Variants in KLF15 observed in about 807,000 individuals in gnomAD.
The protein encoded by KLF15 is Krueppel-like factor 15.
KLF15 carries 4 observed loss-of-function variants against 24.6 expected under a neutral mutation model. The ratio of observed to expected loss-of-function variants is 0.16; its 90% CI spans 0.08 to 0.37. The LOEUF is 0.37. KLF15 is among the 10% of genes least tolerant of loss of function. The probability of loss-of-function intolerance (pLI) is 1.00; values close to 1 mark genes in which losing one functional copy is unlikely to be tolerated. For missense variants in KLF15, 496 were observed against 560.6 expected (o/e 0.88, Z 1.16); for synonymous variants, 246 against 236.3 (o/e 1.04, Z -0.37).
the KLF15 span, among the ~76,000 whole-genome samples, chr3:126,317,131 G>C: frequency 1.3e-5 from 2 of 152,232 alleles, no homozygotes; most frequent in Non-Finnish European, 1.5e-5. Flanking sequence ...AAATATAAGA[G>C]AGGGTGAACA....
chr3:126,332,177 C>G, the KLF15 span, among the ~76,000 whole-genome samples: 1 of 151,960 alleles, frequency 6.6e-6, no homozygotes, highest in African/African-American at 2.4e-5. Flanking sequence ...CCCTGTCTGA[C>G]AGCTTTGAAG....
In KLF15 at chr3:126,352,099, G is replaced by T. The variant is rs372180538; in HGVS notation, c.824C>A (p.Pro275His). ...QVVPSSNLNL[P>H]SKFVRIAPVP... is the part of the protein sequence containing the mutation. ...AGGGGCAATGCGCACAAACTTGGAG[G>T]GCAGGTTCAAGTTGGAGGAGGGTAC... Residue 275 changes from proline (P) to histidine (H), a missense_variant, in exon 2 of 3, where the codon CCC becomes CAC. Pro to His is a moderately conservative substitution (Grantham distance 77). Transcript: ENST00000296233. The T allele has an allele frequency of 7.2e-5, 112 of 1,551,460 alleles. No individual in the cohort carries two copies. Among genetic ancestry groups the T allele is most frequent in the Non-Finnish European group, 9.7e-5 (111 of 1,147,088 alleles).
chr3:126,292,339 G>C, the KLF15 span, among the ~76,000 whole-genome samples: 1 of 152,154 alleles, frequency 6.6e-6, no homozygotes, highest in African/African-American at 2.4e-5. Context: ...CTCAGCCACA[G>C]GGCCAACAGT....
intron 2 of KLF15, among the ~76,000 whole-genome samples, chr3:126,344,172 T>C (rs1392927189): frequency 6.6e-6 from 1 of 152,090 alleles, no homozygotes; most frequent in African/African-American, 2.4e-5. Flanking sequence ...CAATCAATCC[T>C]CCTTAGCCTC....
chr3:126,307,710 C>G, the KLF15 span, among the ~76,000 whole-genome samples: 1 of 152,174 alleles, frequency 6.6e-6, no homozygotes, highest in African/African-American at 2.4e-5. Flanking sequence ...TCTTTAAGAA[C>G]CAGAACAGGT....
rs1316522231 is a variant in KLF15 at position 126,352,087 on chromosome 3, A to G, written c.836T>C (p.Val279Ala). 6.5e-7 allele frequency: 1 copy of G among 1,546,398 alleles called. No individual in the cohort carries two copies. Among genetic ancestry groups the G allele is most frequent in the Non-Finnish European group, 8.7e-7 (1 of 1,144,508 alleles). The change falls in exon 2 of 3, where the codon GTG becomes GCG. Residue 279 changes from valine (V) to alanine (A), a missense_variant. This residue lies in a region of KLF15 where 399 missense variants were observed against 423.1 expected (regional missense o/e 0.94). Coordinates refer to ENST00000296233, the MANE Select transcript of KLF15 (RefSeq NM_014079.4). ...GGCAATGGGCACAGGGGCAATGCGC[A>G]CAAACTTGGAGGGCAGGTTCAAGTT... ...SSNLNLPSKF[V>A]RIAPVPIAAK...
chr3:126,338,501 C>A (rs1006637861), downstream of KLF15, among the ~76,000 whole-genome samples: 10 of 152,312 alleles, frequency 6.6e-5, no homozygotes, highest in East Asian at 1.9e-3. Context: ...GTCTTTTCTT[C>A]ATTTCATGCG....
the KLF15 span, among the ~76,000 whole-genome samples, chr3:126,315,685 G>A: frequency 4.6e-5 from 7 of 152,194 alleles, no homozygotes; most frequent in Admixed American, 2.6e-4. Context: ...GAGGCTCAGA[G>A]AGACACATTT....
chr3:126,326,797 T>G, the KLF15 span, among the ~76,000 whole-genome samples: 1 of 152,228 alleles, frequency 6.6e-6, no homozygotes, highest in Non-Finnish European at 1.5e-5. Context: ...CAATTAATTA[T>G]TAACTAGAGT....
chr3:126,307,378 G>A, the KLF15 span, among the ~76,000 whole-genome samples: 1 of 152,230 alleles, frequency 6.6e-6, no homozygotes, highest in Non-Finnish European at 1.5e-5. Context: ...GCGGACTGGG[G>A]ACTCAGTGGA....
the KLF15 span, among the ~76,000 whole-genome samples, chr3:126,320,515 TAA>T: frequency 8.3e-6 from 1 of 120,844 alleles, no homozygotes. Context: ...CATACAGAGA[TAA>T]GAGTGCTTTC....
chr3:126,303,366 T>G, the KLF15 span, among the ~76,000 whole-genome samples: 1 of 152,046 alleles, frequency 6.6e-6, no homozygotes, highest in Non-Finnish European at 1.5e-5. Flanking sequence ...TGTTGAAAGT[T>G]TCTTTACTTT....
downstream of KLF15, among the ~76,000 whole-genome samples, chr3:126,341,195 A>G (rs904443622): frequency 6.6e-6 from 1 of 152,168 alleles, no homozygotes; most frequent in African/African-American, 2.4e-5. Flanking sequence ...GCACGTACAC[A>G]CAATTCAGGT....
chr3:126,292,284 C>G, the KLF15 span, among the ~76,000 whole-genome samples: 2 of 152,150 alleles, frequency 1.3e-5, no homozygotes, highest in Non-Finnish European at 2.9e-5. Flanking sequence ...TAGCAGGCTC[C>G]AGGTGACCCT....
At chr3:126,351,774 G>C in intron 2 of KLF15, 67 bp downstream of exon 2, 1 of 1,492,398 alleles carries the variant, frequency 6.7e-7, no homozygotes, top group South Asian at 1.3e-5. Context: ...TGGCCCTGCT[G>C]CACACCCAAG....
downstream of KLF15, among the ~76,000 whole-genome samples, chr3:126,338,128 G>C (rs140122375): frequency 6.6e-6 from 1 of 152,356 alleles, no homozygotes; most frequent in East Asian, 1.9e-4. Context: ...TCCTCTGCCA[G>C]GATGTGGATG....
downstream of KLF15, among the ~76,000 whole-genome samples, chr3:126,338,067 G>A (rs796108609): frequency 1.5e-4 from 23 of 152,302 alleles, no homozygotes; most frequent in African/African-American, 5.5e-4. Flanking sequence ...AAAGAGACTC[G>A]GGCATCCGGA....
chr3:126,342,132 G>A (rs967647227), downstream of KLF15, among the ~76,000 whole-genome samples: 9 of 152,180 alleles, frequency 5.9e-5, no homozygotes, highest in Admixed American at 5.2e-4. Context: ...TGGCCTCTCC[G>A]AGTCTCACCT....
At chr3:126,348,596 C>G (rs2082556445) in intron 2 of KLF15, among the ~76,000 whole-genome samples, 1 of 152,196 alleles carries the variant, frequency 6.6e-6, no homozygotes, top group African/African-American at 2.4e-5. Context: ...AAGATTGGTG[C>G]CTACACTTTA....
Sources: allele counts gnomAD v4.1 joint callset (sites outside exome capture counted in the v4.1 genomes callset), GRCh38; gene constraint gnomAD v4.1.1; regional missense constraint gnomAD v4.1.1; transcripts MANE v1.5; gene names NCBI Gene and HGNC (gene_info 2026-07-23, HGNC 2026-07-21).